The following LGSN variants were observed in gnomAD, a reference collection of about 807,000 sequenced individuals.
LGSN encodes the protein lengsin, lens protein with glutamine synthetase domain, also known as lengsin.
In LGSN, 21 loss-of-function variants were observed where a neutral mutation model predicts 19.5. The ratio of observed to expected loss-of-function variants is 1.07; its 90% CI spans 0.76 to 1.55. LGSN has a LOEUF of 1.55. Among genes scored for constraint, LGSN ranks in the 40% most tolerant of loss-of-function variants. The pLI, the probability that LGSN is intolerant of heterozygous loss-of-function variation, is 0.00. For synonymous variants in LGSN, 257 were observed against 215.6 expected (o/e 1.19, Z -1.68); for missense variants, 673 against 608.5 (o/e 1.11, Z -1.12).
the LGSN span, among the ~76,000 whole-genome samples, chr6:63,438,586 CA>C: frequency 6.6e-6 from 1 of 151,536 alleles, no homozygotes; most frequent in Non-Finnish European, 1.5e-5. Flanking sequence ...TTTATGCAGC[CA>C]AAAAACACAT....
chr6:63,417,132 G>C, the LGSN span, among the ~76,000 whole-genome samples: 1 of 152,126 alleles, frequency 6.6e-6, no homozygotes, highest in Non-Finnish European at 1.5e-5. Flanking sequence ...ACTGAAGAGA[G>C]ACTACAGGCT....
the LGSN span, among the ~76,000 whole-genome samples, chr6:63,561,354 T>A: frequency 6.6e-6 from 1 of 152,210 alleles, no homozygotes; most frequent in East Asian, 1.9e-4. Flanking sequence ...AAGCACTCAA[T>A]AAATGTCAGT....
At chr6:63,347,675 A>C in the LGSN span, among the ~76,000 whole-genome samples, 1 of 152,352 alleles carries the variant, frequency 6.6e-6, no homozygotes, top group East Asian at 1.9e-4. Flanking sequence ...ATTTCATGAA[A>C]TAAGATAACT....
At chr6:63,450,797 T>C in the LGSN span, among the ~76,000 whole-genome samples, 1 of 151,840 alleles carries the variant, frequency 6.6e-6, no homozygotes, top group South Asian at 2.1e-4. Context: ...CTCAGCCACC[T>C]GAGTAGCTGG....
chr6:63,560,047 G>A, the LGSN span, among the ~76,000 whole-genome samples: 4 of 152,186 alleles, frequency 2.6e-5, no homozygotes, highest in Non-Finnish European at 5.9e-5. Context: ...CCACGGTAAT[G>A]CATTTCATAA....
At position 63,278,384 on chromosome 6, in the gene LGSN, G is replaced by T. The variant is rs1200093643; in HGVS notation, c.*1637C>A. 3.3e-5 allele frequency: 5 copies of T among 151,902 alleles called. No individual in the cohort carries two copies. The highest frequency in any genetic ancestry group is 5.9e-5 in the Non-Finnish European group (4 of 67,982). The allele number at this position is 151,902 out of a possible 1,614,324, so 9.4% of individuals were successfully genotyped here. Reference sequence around the variant, plus strand: ...TTTCATTCTGGAGGTTTCAGGACAGGTTCCCTTCCTTCCCCCAGCTACCCT... The same window carrying T: ...TTTCATTCTGGAGGTTTCAGGACAGTTTCCCTTCCTTCCCCCAGCTACCCT... On this transcript the variant is annotated 3_prime_UTR_variant, in exon 4 of 4. Transcript: ENST00000370657.
the LGSN span, among the ~76,000 whole-genome samples, chr6:63,491,634 A>G: frequency 1.3e-5 from 2 of 152,232 alleles, no homozygotes; most frequent in African/African-American, 2.4e-5. Context: ...CTTCCTGGGT[A>G]TGGTACAGGG....
upstream of LGSN, among the ~76,000 whole-genome samples, chr6:63,323,570 A>G (rs58858900): frequency 6.1e-4 from 72 of 118,422 alleles, no homozygotes; most frequent in African/African-American, 2.2e-3. Flanking sequence ...ACACACACAC[A>G]CACACACACA....
At chr6:63,281,249 G>A in intron 3 of LGSN, 29 bp from the exon 4 acceptor site, 1 of 1,412,224 alleles carries the variant, frequency 7.1e-7, no homozygotes, top group Non-Finnish European at 9.3e-7. Context: ...GAAGAAATTA[G>A]GTTTTGAAAA....
chr6:63,311,740 G>A lies in LGSN; in HGVS notation c.30+8174C>T, dbSNP rs182045078. Among the ~76,000 whole-genome samples the A allele has an allele frequency of 1.3e-3, 198 of 152,158 alleles. 3 individuals are homozygous for A. Among genetic ancestry groups the A allele is most frequent in the African/African-American group, 3.9e-3 (160 of 41,504 alleles). On this transcript the variant is annotated intron_variant, in intron 1 of 3. Coordinates refer to ENST00000370657, the MANE Select transcript of LGSN (RefSeq NM_016571.3). ...TGGTTCAAAATATTTTAAAATCCACGCACAGTTTTTATAATACACATTTTC... is the reference window on the plus strand; with the variant it reads ...TGGTTCAAAATATTTTAAAATCCACACACAGTTTTTATAATACACATTTTC...
chr6:63,476,676 G>T, the LGSN span, among the ~76,000 whole-genome samples: 5 of 152,170 alleles, frequency 3.3e-5, no homozygotes, highest in Non-Finnish European at 1.5e-5. Context: ...CTCAAGAGGG[G>T]AGAGTCTAAA....
intron 1 of LGSN, among the ~76,000 whole-genome samples, chr6:63,298,006 A>G (rs1768046304): frequency 6.6e-6 from 1 of 152,236 alleles, no homozygotes; most frequent in South Asian, 2.1e-4. Flanking sequence ...TCATCTGACC[A>G]TGCGACAGCC....
chr6:63,444,694 A>T, the LGSN span, among the ~76,000 whole-genome samples: 1 of 152,188 alleles, frequency 6.6e-6, no homozygotes, highest in Non-Finnish European at 1.5e-5. Context: ...TCCACCGTTA[A>T]CATATCTGCT....
intron 3 of LGSN, among the ~76,000 whole-genome samples, chr6:63,284,717 G>T (rs1211809840): frequency 6.6e-6 from 1 of 152,058 alleles, no homozygotes; most frequent in East Asian, 1.9e-4. Context: ...ATGTATTCTT[G>T]CCTGAATGAC....
chr6:63,571,679 A>C, the LGSN span: 1 of 152,272 alleles, frequency 6.6e-6, no homozygotes, highest in African/African-American at 2.4e-5. Flanking sequence ...GAGCAGCAGT[A>C]CAAAGGATGC....
At chr6:63,555,828 G>A in the LGSN span, among the ~76,000 whole-genome samples, 2 of 151,906 alleles carry the variant, frequency 1.3e-5, no homozygotes, top group Non-Finnish European at 2.9e-5. Flanking sequence ...CAAGTAGCTG[G>A]AATTACAGGT....
the LGSN span, among the ~76,000 whole-genome samples, chr6:63,460,000 C>A: frequency 6.6e-6 from 1 of 151,480 alleles, no homozygotes; most frequent in Non-Finnish European, 1.5e-5. Context: ...ATGTCCACAC[C>A]CTTCATTGTG....
chr6:63,416,770 G>A, the LGSN span, among the ~76,000 whole-genome samples: 37 of 152,062 alleles, frequency 2.4e-4, no homozygotes, highest in African/African-American at 8.7e-4. Flanking sequence ...GTTTCACCAT[G>A]TTGGCCAAGC....
At chr6:63,455,676 C>T in the LGSN span, among the ~76,000 whole-genome samples, 4 of 152,014 alleles carry the variant, frequency 2.6e-5, no homozygotes, top group East Asian at 3.9e-4. Flanking sequence ...ATCACTAGAA[C>T]CCGGGAGGCA....
Sources: gnomAD v4.1 joint callset for allele counts (sites outside exome capture counted in the v4.1 genomes callset) on GRCh38, gnomAD v4.1.1 for gene constraint, MANE v1.5 for transcripts, NCBI Gene and HGNC (gene_info 2026-07-23, HGNC 2026-07-21) for gene names.